Variants in FMNL2 observed in about 807,000 individuals in gnomAD.
The protein encoded by FMNL2 is formin-like protein 2.
In FMNL2, 51 loss-of-function variants were observed where a neutral mutation model predicts 130.2. That is an observed-to-expected ratio of 0.39 (90% confidence interval 0.31 to 0.49). The LOEUF (loss-of-function observed/expected upper bound fraction) is 0.49. FMNL2 is among the 20% of genes least tolerant of loss of function. The pLI is 0.85. For missense variants in FMNL2, 977 were observed against 1,316.2 expected, an observed-to-expected ratio of 0.74 and a Z score of 3.99; for synonymous variants, 465 against 467.1, an observed-to-expected ratio of 1.00 and a Z score of 0.06.
At chr2:152,347,602 A>G (rs1265586516) in intron 1 of FMNL2, among the ~76,000 whole-genome samples, 1 of 152,134 alleles carries the variant, frequency 6.6e-6, no homozygotes, top group Non-Finnish European at 1.5e-5. Flanking sequence ...AATTACGGAT[A>G]TGTAGGTACA....
chr2:152,358,798 C>T lies in FMNL2; in HGVS notation c.117+23078C>T, dbSNP rs142944822. On this transcript the variant is annotated intron_variant, in intron 1 of 25. Coordinates refer to ENST00000288670, the MANE Select transcript of FMNL2 (RefSeq NM_052905.4). ...GGACATATGAGGTTATTACAAGTAA[C>T]GTTACAATCAAAATCCTTGTCTATG... Among the ~76,000 whole-genome samples the T allele has an allele frequency of 9.9e-4, 151 of 152,246 alleles. 2 individuals carry two copies. Among genetic ancestry groups the T allele is most frequent in the Middle Eastern group, 3.4e-3 (1 of 294 alleles).
At chr2:152,541,066 A>G (rs1324274696) in intron 2 of FMNL2, among the ~76,000 whole-genome samples, 1 of 152,236 alleles carries the variant, frequency 6.6e-6, no homozygotes, top group Non-Finnish European at 1.5e-5. Context: ...AGTGATAATC[A>G]GATTATAAAG....
In FMNL2 at chr2:152,395,301, T is replaced by G. The variant is rs550242958; in HGVS notation, c.117+59581T>G. Among the ~76,000 whole-genome samples the G allele has an allele frequency of 1.6e-3, 244 of 152,332 alleles. 1 individual carries two copies. The highest frequency in any genetic ancestry group is 1.7e-3 in the Non-Finnish European group (117 of 68,026). On this transcript the variant is annotated intron_variant, in intron 1 of 25. Transcript: ENST00000288670. The stretch of plus-strand genomic sequence containing the variant: ...ACACAAGAGTTAAAGAGATGAGTAG[T>G]GCTTAGGATACAGATTACAGAAAGT...
chr2:152,342,845 TG>T (rs1230735671), intron 1 of FMNL2, among the ~76,000 whole-genome samples: 1 of 152,202 alleles, frequency 6.6e-6, no homozygotes, highest in East Asian at 1.9e-4. Context: ...ATTCTGAAAT[TG>T]GGCAACATTC....
intron 12 of FMNL2, among the ~76,000 whole-genome samples, chr2:152,615,397 G>A (rs1051203542): frequency 6.6e-6 from 1 of 152,194 alleles, no homozygotes. Flanking sequence ...CCCATGGACA[G>A]GATTAGCTGG....
intron 1 of FMNL2, among the ~76,000 whole-genome samples, chr2:152,374,178 G>T (rs570748602): frequency 6.6e-6 from 1 of 152,236 alleles, no homozygotes; most frequent in African/African-American, 2.4e-5. Flanking sequence ...TTAATAACAG[G>T]TGTAGCGTTA....
intron 1 of FMNL2, among the ~76,000 whole-genome samples, chr2:152,379,426 T>C (rs1336308428): frequency 1.3e-5 from 2 of 152,248 alleles, no homozygotes; most frequent in Admixed American, 6.5e-5. Flanking sequence ...AATTGTATTA[T>C]TGCTTTTAAC....
At chr2:152,547,064 G>A (rs2105517836) in intron 3 of FMNL2, among the ~76,000 whole-genome samples, 1 of 151,678 alleles carries the variant, frequency 6.6e-6, no homozygotes, top group East Asian at 1.9e-4. Flanking sequence ...TCGTGCCTCA[G>A]CTTCCTGAGT....
chr2:152,357,680 CTA>C (rs1201229607), intron 1 of FMNL2, among the ~76,000 whole-genome samples: 2 of 141,414 alleles, frequency 1.4e-5, no homozygotes, highest in Non-Finnish European at 3.2e-5. Flanking sequence ...TAATGTATAA[CTA>C]TATATTAAAT....
intron 1 of FMNL2, among the ~76,000 whole-genome samples, chr2:152,484,551 T>A (rs920667227): frequency 2.0e-5 from 3 of 151,332 alleles, no homozygotes; most frequent in Non-Finnish European, 4.4e-5. Context: ...GCAGAAGTAT[T>A]CAGTTGAGCC....
At chr2:152,492,839 A>G (rs1205609577) in intron 1 of FMNL2, among the ~76,000 whole-genome samples, 1 of 152,128 alleles carries the variant, frequency 6.6e-6, no homozygotes, top group African/African-American at 2.4e-5. Context: ...GGCAGTGTTT[A>G]TGTGTTGGTG....
intron 20 of FMNL2, 33 bp from the exon 21 acceptor site, chr2:152,631,975 T>G (rs1682201725): frequency 6.2e-7 from 1 of 1,601,610 alleles, no homozygotes; most frequent in East Asian, 2.2e-5. Flanking sequence ...CCCTTTACTC[T>G]TGTACCTAAC....
chr2:152,396,476 C>T (rs1685399829), intron 1 of FMNL2, among the ~76,000 whole-genome samples: 1 of 152,118 alleles, frequency 6.6e-6, no homozygotes, highest in Non-Finnish European at 1.5e-5. Context: ...GCTGCTTAAC[C>T]CTCTATAGCT....
intron 1 of FMNL2, among the ~76,000 whole-genome samples, chr2:152,362,098 A>G (rs904574827): frequency 3.3e-5 from 5 of 152,220 alleles, no homozygotes; most frequent in African/African-American, 9.6e-5. Context: ...TTGTTTAGCT[A>G]CATGCATCCA....
intron 7 of FMNL2, among the ~76,000 whole-genome samples, chr2:152,575,870 G>A (rs748773979): frequency 2.8e-4 from 42 of 152,154 alleles, no homozygotes; most frequent in Non-Finnish European, 4.7e-4. Flanking sequence ...CTAGAAGATC[G>A]TTGAAAATGC....
chr2:152,395,574 C>G (rs533741622), intron 1 of FMNL2, among the ~76,000 whole-genome samples: 100 of 152,246 alleles, frequency 6.6e-4, no homozygotes, highest in African/African-American at 2.4e-3. Context: ...AAATTTGAAA[C>G]CTATGTTTTT....
At chr2:152,636,837 A>C (rs1404755397) in intron 22 of FMNL2, among the ~76,000 whole-genome samples, 1 of 151,648 alleles carries the variant, frequency 6.6e-6, no homozygotes, top group African/African-American at 2.4e-5. Context: ...CTTTCACTTC[A>C]ATACTCACTC....
At chr2:152,605,412 G>A (rs1163085008) in intron 9 of FMNL2, among the ~76,000 whole-genome samples, 2 of 152,080 alleles carry the variant, frequency 1.3e-5, no homozygotes, top group African/African-American at 4.8e-5. Context: ...TCGACCTCAT[G>A]GACTCAAAGT....
At chr2:152,435,551 A>G (rs1239946915) in intron 1 of FMNL2, among the ~76,000 whole-genome samples, 1 of 151,880 alleles carries the variant, frequency 6.6e-6, no homozygotes, top group African/African-American at 2.4e-5. Flanking sequence ...ATATTAGGAT[A>G]TTAGGAAGAA....
Sources: allele counts gnomAD v4.1 joint callset (sites outside exome capture counted in the v4.1 genomes callset), GRCh38; gene constraint gnomAD v4.1.1; transcripts MANE v1.5; gene names NCBI Gene and HGNC (gene_info 2026-07-23, HGNC 2026-07-21).